KIF13B: variants seen among roughly 807,000 people sequenced by gnomAD.
The protein encoded by KIF13B is kinesin family member 13B, also known as kinesin-like protein KIF13B.
Under a neutral mutation model 222.0 loss-of-function variants are expected in KIF13B, and 127 were observed. The observed-to-expected ratio is 0.57, with a 90% CI of 0.50 to 0.66. KIF13B has a LOEUF of 0.66. Ranked by LOEUF, KIF13B falls within the 30% of genes least tolerant of loss-of-function variation. The pLI is 0.00. For synonymous variants in KIF13B, 976 were observed against 919.0 expected, an observed-to-expected ratio of 1.06 and a Z score of -1.12; for missense variants, 2,173 against 2,379.0, an observed-to-expected ratio of 0.91 and a Z score of 1.80.
intron 10 of KIF13B, among the ~76,000 whole-genome samples, chr8:29,173,583 C>T (rs1812343196): frequency 6.6e-6 from 1 of 151,454 alleles, no homozygotes; most frequent in Non-Finnish European, 1.5e-5. Context: ...GACTGCACGA[C>T]TGCACTCTAG....
intron 3 of KIF13B, among the ~76,000 whole-genome samples, chr8:29,193,231 T>C (rs1288084455): frequency 1.3e-5 from 2 of 152,214 alleles, no homozygotes; most frequent in Admixed American, 1.3e-4. Flanking sequence ...AGCTGCAGTG[T>C]TGTGTTACAC....
At chr8:29,188,025 AT>A (rs1813018354) in intron 5 of KIF13B, among the ~76,000 whole-genome samples, 1 of 152,102 alleles carries the variant, frequency 6.6e-6, no homozygotes, top group East Asian at 1.9e-4. Context: ...TATCCAACAC[AT>A]TCTTCTGTGA....
At chr8:29,191,627 A>G (rs1813192747) in intron 3 of KIF13B, among the ~76,000 whole-genome samples, 1 of 152,390 alleles carries the variant, frequency 6.6e-6, no homozygotes, top group South Asian at 2.1e-4. Context: ...CTATATGCAT[A>G]AAAAGCAGGA....
At chr8:29,168,781 T>C (rs1303829086) in intron 10 of KIF13B, among the ~76,000 whole-genome samples, 1 of 152,158 alleles carries the variant, frequency 6.6e-6, no homozygotes, top group Non-Finnish European at 1.5e-5. Context: ...ACAACCCGGC[T>C]AGAGCCACGT....
rs1027980893 is a variant in KIF13B, at chr8:29,123,351, C to T, written c.3479+15G>A. ...GAGCGTTCAGACCTCACAAGACGCACCACAGGGTTCATACCATTCTGCTGG... is the reference window on the plus strand; with the variant it reads ...GAGCGTTCAGACCTCACAAGACGCATCACAGGGTTCATACCATTCTGCTGG... On this transcript the variant is annotated intron_variant, in intron 28 of 39. Coordinates refer to ENST00000524189, the MANE Select transcript of KIF13B (RefSeq NM_015254.4). 6.8e-6 allele frequency: 11 copies of T among 1,613,212 alleles called. No homozygotes were observed. Among genetic ancestry groups the T allele is most frequent in the African/African-American group, 1.3e-5 (1 of 74,926 alleles).
intron 14 of KIF13B, among the ~76,000 whole-genome samples, chr8:29,155,065 G>A (rs1315636989): frequency 3.9e-5 from 6 of 152,108 alleles, no homozygotes; most frequent in Admixed American, 6.6e-5. Flanking sequence ...AGTGACAAAC[G>A]TGCCATTCAT....
rs368364212 is a variant in KIF13B at position 29,075,304 on chromosome 8, T to A, written c.4498A>T (p.Ile1500Phe). 8 of 1,558,454 alleles carry A rather than the reference T, an allele frequency of 5.1e-6. No homozygotes were observed. The African/African-American group carries it at 9.5e-5, about 19-fold the overall frequency. Reference sequence around the variant, plus strand: ...ACCTCCTCCATCCTGGTCACCCTGATGTCCGGGCTGGCTGACTGCACCATG... The same window carrying A: ...ACCTCCTCCATCCTGGTCACCCTGAAGTCCGGGCTGGCTGACTGCACCATG... ...RIMVQSASPDIRVTRMEEAQP... is the reference protein window; with the variant it reads ...RIMVQSASPDFRVTRMEEAQP... The change falls in exon 38 of 40, where the codon ATC becomes TTC. Residue 1500 changes from isoleucine to phenylalanine, a missense_variant. By Grantham distance (21) the Ile-to-Phe change is conservative. Transcript: ENST00000524189.
At chr8:29,232,440 A>AT (rs1815327013) in intron 2 of KIF13B, among the ~76,000 whole-genome samples, 1 of 139,158 alleles carries the variant, frequency 7.2e-6, no homozygotes, top group Non-Finnish European at 1.6e-5. Context: ...ATTAAAAAAT[A>AT]AATATATATA....
At chr8:29,158,079 A>G (rs1811618321) in intron 13 of KIF13B, among the ~76,000 whole-genome samples, 1 of 152,104 alleles carries the variant, frequency 6.6e-6, no homozygotes, top group South Asian at 2.1e-4. Context: ...CCTCCGTCTG[A>G]AATGTTCTTC....
intron 18 of KIF13B, chr8:29,146,117 G>C: frequency 1.7e-6 from 1 of 590,114 alleles, no homozygotes; most frequent in African/African-American, 1.9e-5. Flanking sequence ...AATTTAAACA[G>C]ATTTGAAGGA....
At chr8:29,156,679 A>AC (rs1554608447) in intron 13 of KIF13B, among the ~76,000 whole-genome samples, 6 of 144,858 alleles carry the variant, frequency 4.1e-5, no homozygotes, top group African/African-American at 1.3e-4. Context: ...TGACCAACTA[A>AC]TTTTTTTTTT....
chr8:29,070,583 A>G lies in KIF13B; in HGVS notation c.5402T>C (p.Leu1801Pro). 1 of 1,602,314 alleles carries G rather than the reference A, an allele frequency of 6.2e-7. No homozygotes were observed. Among genetic ancestry groups the G allele is most frequent in the South Asian group, 1.1e-5 (1 of 89,488 alleles). The change falls in exon 40 of 40, where the codon CTG becomes CCG. Residue 1801 changes from leucine to proline, a missense_variant. This residue lies in a region of KIF13B where 693 missense variants were observed against 656.2 expected (regional missense o/e 1.06). Transcript: ENST00000524189. The surrounding 1 kb of genome is among the most constrained non-coding windows in gnomAD (Gnocchi z 4.1). The part of the protein sequence containing the change: ...SATLSGSATN[L>P]ASLTAALAKA... ...GGCCAGGGCAGCTGTCAGCGAGGCCAGGTTGGTGGCGGAGCCCGAGAGGGT... is the reference window on the plus strand; with the variant it reads ...GGCCAGGGCAGCTGTCAGCGAGGCCGGGTTGGTGGCGGAGCCCGAGAGGGT...
At chr8:29,121,882 G>T (rs1385432940) in intron 29 of KIF13B, among the ~76,000 whole-genome samples, 2 of 151,940 alleles carry the variant, frequency 1.3e-5, no homozygotes, top group African/African-American at 4.8e-5. Context: ...ATAATGCTAA[G>T]AAAACACCAC....
At chr8:29,080,078 G>A (rs1807733285) in intron 37 of KIF13B, among the ~76,000 whole-genome samples, 3 of 152,090 alleles carry the variant, frequency 2.0e-5, no homozygotes, top group Non-Finnish European at 4.4e-5. Flanking sequence ...AGTGGCTCTC[G>A]CACCTGCAAT....
At chr8:29,250,661 G>A (rs537157544) in intron 1 of KIF13B, among the ~76,000 whole-genome samples, 37 of 152,168 alleles carry the variant, frequency 2.4e-4, no homozygotes, top group African/African-American at 8.4e-4. Context: ...CAACCCTGTC[G>A]ATTGAAGGAT....
intron 36 of KIF13B, among the ~76,000 whole-genome samples, chr8:29,098,170 CAAAAAAAAAAAAAA>C (rs147089450): frequency 7.3e-4 from 22 of 30,318 alleles, no homozygotes; most frequent in Middle Eastern, 0.021. Context: ...GACTCCATCT[CAAAAAAAAAAAAAA>C]AAAAAAGTAA....
At chr8:29,219,784 A>G (rs1814659863) in intron 2 of KIF13B, among the ~76,000 whole-genome samples, 1 of 151,218 alleles carries the variant, frequency 6.6e-6, no homozygotes, top group African/African-American at 2.4e-5. Context: ...TAAATAAGGC[A>G]AGCCTCGGTG....
At chr8:29,171,762 T>C (rs1283667017) in intron 10 of KIF13B, among the ~76,000 whole-genome samples, 2 of 148,150 alleles carry the variant, frequency 1.3e-5, no homozygotes, top group South Asian at 2.1e-4. Flanking sequence ...TTTTCTTCTT[T>C]TTTTTTTTTT....
At position 29,100,437 on chromosome 8, in the gene KIF13B, G is replaced by A. The variant is rs1480447207; in HGVS notation, c.4216-1196C>T. ...GTGTGCAATATGAGTTTGAGCTAGT[G>A]CTGCACAGATGAATAATCCTAATGA... On this transcript the variant is annotated intron_variant, in intron 35 of 39. Transcript: ENST00000524189. Among the ~76,000 whole-genome samples, 6 of 151,980 alleles carry A rather than the reference G, an allele frequency of 3.9e-5. No individual in the cohort carries two copies. The East Asian group carries it at 1.2e-3, about 29-fold the overall frequency.
Sources: gnomAD v4.1 joint callset for allele counts (sites outside exome capture counted in the v4.1 genomes callset) on GRCh38, gnomAD v4.1.1 for gene constraint, gnomAD v4.1.1 regional missense constraint, Gnocchi (gnomAD v3.1) non-coding constraint, MANE v1.5 for transcripts, NCBI Gene and HGNC (gene_info 2026-07-23, HGNC 2026-07-21) for gene names.